The following XKR9 variants were observed in gnomAD, a reference collection of about 807,000 sequenced individuals.
XKR9 encodes XK related 9.
XKR9 carries 32 observed loss-of-function variants against 32.0 expected under a neutral mutation model. The ratio of observed to expected loss-of-function variants is 1.00; its 90% CI spans 0.76 to 1.34. The LOEUF is 1.34. XKR9 is among the 40% of genes most tolerant of loss of function. XKR9 has a pLI of 0.00. For synonymous variants in XKR9, 168 were observed against 143.4 expected (o/e 1.17, Z -1.22); for missense variants, 546 against 429.7 (o/e 1.27, Z -2.39).
the XKR9 span, among the ~76,000 whole-genome samples, chr8:70,810,292 A>G: frequency 4.5e-4 from 69 of 152,344 alleles, no homozygotes; most frequent in Middle Eastern, 3.4e-3. Flanking sequence ...TGAAGGAAGC[A>G]CTAAACATGG....
the XKR9 span, among the ~76,000 whole-genome samples, chr8:70,880,584 C>T: frequency 8.6e-5 from 13 of 152,030 alleles, 1 homozygote; most frequent in African/African-American, 3.1e-4. Flanking sequence ...AGGACCTCTT[C>T]AGGAGAACAA....
chr8:71,017,862 T>C, the XKR9 span, among the ~76,000 whole-genome samples: 2 of 152,210 alleles, frequency 1.3e-5, no homozygotes, highest in African/African-American at 4.8e-5. Flanking sequence ...CAGCACTTGA[T>C]TTTCATCCCC....
chr8:70,882,354 G>A, the XKR9 span, among the ~76,000 whole-genome samples: 6 of 150,898 alleles, frequency 4.0e-5, no homozygotes, highest in African/African-American at 1.2e-4. Context: ...ATGCAGAAGG[G>A]CACAAAATAA....
the XKR9 span, among the ~76,000 whole-genome samples, chr8:70,918,976 A>G: frequency 6.6e-6 from 1 of 151,554 alleles, no homozygotes; most frequent in African/African-American, 2.4e-5. Context: ...ACAGGGTTTC[A>G]CTGTGTTTGC....
rs74966198 is a variant in XKR9 at position 70,683,008 on chromosome 8, C to G, written c.272+1678C>G. On this transcript the variant is annotated intron_variant, in intron 3 of 4. Transcript: ENST00000408926. ...CTATTGAACTAGGCCTCTCTTCTTG[C>G]CTAACAACAGCCCTTTGCTTGGGCA... is the stretch of plus-strand genomic sequence containing the variant. Among the ~76,000 whole-genome samples, 1,111 of 152,346 alleles carry G rather than the reference C, an allele frequency of 7.3e-3. 9 individuals are homozygous for G. Among genetic ancestry groups the G allele is most frequent in the Non-Finnish European group, 0.013 (855 of 68,034 alleles).
chr8:70,746,738 A>T (rs1378611078), intron 2 of XKR9, among the ~76,000 whole-genome samples: 1 of 151,536 alleles, frequency 6.6e-6, no homozygotes. Flanking sequence ...GCTTAAACTT[A>T]ATCCCCAATA....
At chr8:70,669,561 A>C (rs1388094218) in intron 1 of XKR9, 23 bp downstream of exon 1, 1 of 201,932 alleles carries the variant, frequency 5.0e-6, no homozygotes, top group East Asian at 1.7e-4. Flanking sequence ...TTCGTTATTC[A>C]GTAATAAATG....
intron 2 of XKR9, among the ~76,000 whole-genome samples, chr8:70,744,529 C>A (rs1490845251): frequency 6.6e-6 from 1 of 152,106 alleles, no homozygotes; most frequent in Non-Finnish European, 1.5e-5. Context: ...ACCTCAAATC[C>A]AGTTCATTTT....
chr8:70,774,253 T>G (rs1290714343), intron 2 of XKR9, among the ~76,000 whole-genome samples: 3 of 152,186 alleles, frequency 2.0e-5, no homozygotes, highest in Non-Finnish European at 4.4e-5. Flanking sequence ...CTCTTAAAGC[T>G]TCCACCCTGA....
At chr8:70,856,985 G>A in the XKR9 span, among the ~76,000 whole-genome samples, 1 of 152,144 alleles carries the variant, frequency 6.6e-6, no homozygotes, top group East Asian at 1.9e-4. Context: ...TGTGTAGAGG[G>A]AAATTTAAAG....
chr8:70,968,745 TG>T, the XKR9 span, among the ~76,000 whole-genome samples: 4 of 152,184 alleles, frequency 2.6e-5, no homozygotes, highest in African/African-American at 9.7e-5. Context: ...TCATTTGCCT[TG>T]GTCCCTCCCG....
chr8:70,919,707 C>A, the XKR9 span, among the ~76,000 whole-genome samples: 7 of 152,282 alleles, frequency 4.6e-5, no homozygotes, highest in Admixed American at 2.6e-4. Flanking sequence ...TGATGACTGG[C>A]TATCTTCCTC....
downstream of XKR9, among the ~76,000 whole-genome samples, chr8:70,793,395 G>A (rs1252401200): frequency 6.6e-6 from 1 of 152,002 alleles, no homozygotes; most frequent in Non-Finnish European, 1.5e-5. Flanking sequence ...TTGGGAATTG[G>A]ACTGGTGTAT....
At chr8:71,023,718 C>G in the XKR9 span, among the ~76,000 whole-genome samples, 452 of 152,218 alleles carry the variant, frequency 3.0e-3, 4 homozygotes, top group Non-Finnish European at 4.7e-3. Context: ...CTCAGGCTCC[C>G]AGGTGGCACT....
chr8:70,759,522 A>C (rs1032024656), intron 2 of XKR9, among the ~76,000 whole-genome samples: 1 of 152,226 alleles, frequency 6.6e-6, no homozygotes, highest in Non-Finnish European at 1.5e-5. Flanking sequence ...TTTTAATACA[A>C]CAGTAAATAG....
rs537515539 is a variant in XKR9, at chr8:70,719,770, A to C, written c.493+12617A>C. Among the ~76,000 whole-genome samples, 7 of 152,266 alleles carry C rather than the reference A, an allele frequency of 4.6e-5. No homozygotes were observed. The South Asian group carries it at 1.2e-3, about 27-fold the overall frequency. ...CTTTTTGCTTAGGATTGTCTTGGCT[A>C]TATGGGCTTTTTTTAATTCCATATT... is the stretch of plus-strand genomic sequence containing the variant. On this transcript the variant is annotated intron_variant, in intron 4 of 4. Transcript: ENST00000408926.
chr8:70,900,318 C>G, the XKR9 span, among the ~76,000 whole-genome samples: 1 of 152,100 alleles, frequency 6.6e-6, no homozygotes. Flanking sequence ...ACGCTGGGTG[C>G]AGTGCTCGCG....
At chr8:71,016,529 G>A in the XKR9 span, among the ~76,000 whole-genome samples, 43 of 152,206 alleles carry the variant, frequency 2.8e-4, no homozygotes, top group African/African-American at 9.9e-4. Context: ...TTTCTTACTC[G>A]CTCATGTTCT....
chr8:71,019,531 A>G, the XKR9 span, among the ~76,000 whole-genome samples: 26 of 152,330 alleles, frequency 1.7e-4, no homozygotes, highest in African/African-American at 6.3e-4. Flanking sequence ...TGGGCCCAAT[A>G]GAGAGATCAG....
Sources: allele counts gnomAD v4.1 joint callset (sites outside exome capture counted in the v4.1 genomes callset), GRCh38; gene constraint gnomAD v4.1.1; transcripts MANE v1.5; gene names NCBI Gene and HGNC (gene_info 2026-07-23, HGNC 2026-07-21).